The following AOPEP variants were observed in gnomAD, a reference collection of about 807,000 sequenced individuals.
AOPEP encodes aminopeptidase O (putative).
In AOPEP, 77 loss-of-function variants were observed where a neutral mutation model predicts 98.1. The ratio of observed to expected loss-of-function variants is 0.78; its 90% CI spans 0.65 to 0.95. The LOEUF (loss-of-function observed/expected upper bound fraction) is 0.95, where lower values mean the gene tolerates loss of function less well. Among genes scored for constraint, AOPEP ranks in the 40% least tolerant of loss-of-function variants. AOPEP has a pLI of 0.00. For missense variants in AOPEP, 1,024 were observed against 1,024.7 expected (o/e 1.00, Z 0.01); for synonymous variants, 346 against 365.3 (o/e 0.95, Z 0.60).
At chr9:94,911,514 C>T (rs757312895) in intron 5 of AOPEP, among the ~76,000 whole-genome samples, 4 of 152,068 alleles carry the variant, frequency 2.6e-5, no homozygotes, top group Non-Finnish European at 5.9e-5. Flanking sequence ...GCATGTTTTT[C>T]ACAGCGTCTG....
intron 1 of AOPEP, among the ~76,000 whole-genome samples, chr9:94,741,522 C>T (rs557174303): frequency 2.3e-4 from 35 of 152,192 alleles, no homozygotes; most frequent in South Asian, 6.2e-4. Context: ...CTGCCCGTCT[C>T]GGCCTCCCAA....
the AOPEP span, among the ~76,000 whole-genome samples, chr9:95,096,870 T>C: frequency 1.3e-5 from 2 of 152,242 alleles, no homozygotes; most frequent in Non-Finnish European, 2.9e-5. Flanking sequence ...TGGAATCAGG[T>C]TGTCTATTCG....
chr9:95,080,748 A>G lies in AOPEP; in HGVS notation c.2287A>G (p.Lys763Glu), dbSNP rs761904452. 1.2e-6 allele frequency: 2 copies of G among 1,613,992 alleles called. No individual in the cohort carries two copies. The highest frequency in any genetic ancestry group is 2.7e-5 in the African/African-American group (2 of 74,898). ...TAAGCACAAGTTCACGAAAGCCTAC[A>G]AAAGTGTGGAGAGGTTCCTTCAGGA... The part of the protein sequence containing the change: ...IVKHKFTKAY[K>E]SVERFLQEDQ... The change falls in exon 15 of 17, where the codon AAA becomes GAA. Residue 763 changes from lysine (K) to glutamate (E), a missense_variant. Lys to Glu is a moderately conservative substitution (Grantham distance 56). Transcript: ENST00000375315.
At chr9:94,967,584 G>A (rs1164215399) in intron 9 of AOPEP, among the ~76,000 whole-genome samples, 174 bp from the exon 10 acceptor site, 5 of 152,044 alleles carry the variant, frequency 3.3e-5, no homozygotes, top group South Asian at 2.1e-4. Context: ...TCAATGATTC[G>A]ATTGAAACCC....
At chr9:95,074,240 G>A (rs1027565820) in intron 14 of AOPEP, among the ~76,000 whole-genome samples, 1 of 152,194 alleles carries the variant, frequency 6.6e-6, no homozygotes, top group Non-Finnish European at 1.5e-5. Flanking sequence ...GTCTGTCAGT[G>A]GGGTAGGGTC....
the AOPEP span, chr9:95,110,395 T>G: frequency 2.0e-6 from 2 of 1,024,148 alleles, no homozygotes; most frequent in African/African-American, 3.4e-5. Flanking sequence ...GTACATCTTA[T>G]TACTGTTAAA....
chr9:94,980,285 C>T lies in AOPEP; in HGVS notation c.1977+858C>T, dbSNP rs976230074. On this transcript the variant is annotated intron_variant, in intron 11 of 16. Transcript: ENST00000375315. This position sits in a 1 kb window ranked among gnomAD's most constrained non-coding sequence, Gnocchi z 4.3. The stretch of plus-strand genomic sequence containing the variant: ...GTCAGAGGACCCTGCAGGCTGGGAG[C>T]TCTCTCAGTCTGGGGCAGCCCCCAG... 5.3e-5 allele frequency among the ~76,000 whole-genome samples: 8 copies of T among 152,224 alleles called. No homozygotes were observed. Among genetic ancestry groups the T allele is most frequent in the African/African-American group, 1.9e-4 (8 of 41,464 alleles).
At chr9:95,007,759 TAGG>T (rs1278711414) in intron 13 of AOPEP, among the ~76,000 whole-genome samples, 6 of 152,214 alleles carry the variant, frequency 3.9e-5, no homozygotes, top group African/African-American at 1.4e-4. Flanking sequence ...CTGCCACACC[TAGG>T]AGAAGATTCA....
Position 94,800,948 on chromosome 9 carries a change from C to G in AOPEP, c.1310C>G (p.Ser437Cys). ...TCTGTTCTGGGAGCACACCCGTTCT[C>G]TCGGCTGGATGTTCTCATCGTCCCT... ...AHSVLGAHPFSRLDVLIVPAN... is the reference protein window; with the variant it reads ...AHSVLGAHPFCRLDVLIVPAN... Residue 437 changes from serine (S) to cysteine (C), a missense_variant, in exon 5 of 17, where the codon TCT becomes TGT. Ser to Cys is a moderately radical substitution (Grantham distance 112). Transcript: ENST00000375315. 1 of 1,614,206 alleles carries G rather than the reference C, an allele frequency of 6.2e-7. No individual in the cohort carries two copies. Among genetic ancestry groups the G allele is most frequent in the East Asian group, 2.2e-5 (1 of 44,884 alleles).
intron 1 of AOPEP, among the ~76,000 whole-genome samples, chr9:94,751,368 TTAAA>T (rs1479736088): frequency 6.6e-6 from 1 of 152,150 alleles, no homozygotes; most frequent in Non-Finnish European, 1.5e-5. Context: ...ATTATATTAA[TTAAA>T]TAATCAAGCA....
At chr9:94,995,698 A>G (rs2061176130) in intron 11 of AOPEP, among the ~76,000 whole-genome samples, 1 of 152,234 alleles carries the variant, frequency 6.6e-6, no homozygotes, top group Non-Finnish European at 1.5e-5. Context: ...ACCCATAATT[A>G]TAAAAGCATT....
the AOPEP span, chr9:95,114,460 C>T: frequency 1.4e-6 from 1 of 720,340 alleles, no homozygotes; most frequent in East Asian, 2.6e-5. Flanking sequence ...TCCAAGCCAT[C>T]CGTGCAGCCA....
intron 3 of AOPEP, among the ~76,000 whole-genome samples, chr9:94,776,705 A>G (rs956812497): frequency 2.0e-5 from 3 of 152,194 alleles, no homozygotes; most frequent in Non-Finnish European, 2.9e-5. Flanking sequence ...TTGGATGGGT[A>G]TTTACTCCAT....
rs544013253 is a variant in AOPEP, at chr9:95,033,002, A to G, written c.2115+27386A>G. ...ATGGCTGTTTTTGGGATGGCCACGT[A>G]TTGTTCAGGGAGATTGCAGTTGGAA... On this transcript the variant is annotated intron_variant, in intron 13 of 16. Coordinates refer to ENST00000375315, the MANE Select transcript of AOPEP (RefSeq NM_001193329.3). 2.6e-5 allele frequency among the ~76,000 whole-genome samples: 4 copies of G among 152,284 alleles called. No individual in the cohort carries two copies. The East Asian group carries it at 7.7e-4, about 29-fold the overall frequency.
chr9:94,998,275 C>T (rs940040083), intron 11 of AOPEP, among the ~76,000 whole-genome samples: 3 of 151,408 alleles, frequency 2.0e-5, no homozygotes, highest in Non-Finnish European at 4.4e-5. Flanking sequence ...AACCAGGAGA[C>T]CTAGGGGCCA....
rs146039970 is a variant in AOPEP, at chr9:94,835,612, T to C, written c.1364+34610T>C. On this transcript the variant is annotated intron_variant, in intron 5 of 16. Transcript: ENST00000375315. ...GTGCAAGGCCTTTCTGAGAAATGCA[T>C]TGAGACTCCTGTTTATGTTGAAATC... Among the ~76,000 whole-genome samples, 139 of 152,346 alleles carry C rather than the reference T, an allele frequency of 9.1e-4. 1 individual carries two copies. The East Asian group carries it at 0.021, about 23-fold the overall frequency.
At chr9:95,144,430 G>C in the AOPEP span, among the ~76,000 whole-genome samples, 1 of 152,238 alleles carries the variant, frequency 6.6e-6, no homozygotes, top group African/African-American at 2.4e-5. Flanking sequence ...TTACAAGCAA[G>C]GGAGTGTGGG....
the AOPEP span, chr9:95,111,018 C>T: frequency 7.0e-7 from 1 of 1,438,480 alleles, no homozygotes; most frequent in South Asian, 1.5e-5. Context: ...TTGACTGATC[C>T]AAGAAAGGAG....
At chr9:94,870,578 A>C (rs1414692877) in intron 5 of AOPEP, among the ~76,000 whole-genome samples, 1 of 152,226 alleles carries the variant, frequency 6.6e-6, no homozygotes, top group Non-Finnish European at 1.5e-5. Context: ...CTACAGAGGC[A>C]GGACTGCACA....
Sources: allele counts gnomAD v4.1 joint callset (sites outside exome capture counted in the v4.1 genomes callset), GRCh38; gene constraint gnomAD v4.1.1; non-coding constraint Gnocchi (gnomAD v3.1); transcripts MANE v1.5; gene names NCBI Gene and HGNC (gene_info 2026-07-23, HGNC 2026-07-21).